The following LMTK3 variants were observed in gnomAD, a reference collection of about 807,000 sequenced individuals.
LMTK3 encodes the protein serine/threonine-protein kinase LMTK3.
Under a neutral mutation model 116.7 loss-of-function variants are expected in LMTK3, and 27 were observed. That is an observed-to-expected ratio of 0.23 (90% confidence interval 0.17 to 0.32). LMTK3 has a LOEUF of 0.32. LMTK3 is among the 10% of genes least tolerant of loss of function. LMTK3 has a pLI of 1.00. For synonymous variants in LMTK3, 965 were observed against 971.0 expected (o/e 0.99, Z 0.11); for missense variants, 1,764 against 2,068.5 (o/e 0.85, Z 2.86).
Position 48,494,449 on chromosome 19 carries a change from C to T in LMTK3, c.3677-340G>A, listed in dbSNP as rs1214423395. Reference sequence around the variant, plus strand: ...ACATGGGCCACCCCACCATTCCTCCCACCGAATAGCTGGGACTACAGGCGC... The same window carrying T: ...ACATGGGCCACCCCACCATTCCTCCTACCGAATAGCTGGGACTACAGGCGC... On this transcript the variant is annotated intron_variant, in intron 11 of 14. Transcript: ENST00000600059. The surrounding 1 kb of genome is among the most constrained non-coding windows in gnomAD (Gnocchi z 4.0). Among the ~76,000 whole-genome samples, 1 of 152,220 alleles carries T rather than the reference C, an allele frequency of 6.6e-6. No individual in the cohort carries two copies. Among genetic ancestry groups the T allele is most frequent in the Admixed American group, 6.5e-5 (1 of 15,282 alleles).
chr19:48,499,733 TC>T lies in LMTK3; in HGVS notation c.1335del (p.Thr446ProfsTer89). The T allele has an allele frequency of 7.5e-7, 1 of 1,330,274 alleles. No homozygotes were observed. The highest frequency in any genetic ancestry group is 4.2e-5 in the East Asian group (1 of 24,074). The allele number at this position is 1,330,274 out of a possible 1,614,324, so 82.4% of individuals were successfully genotyped here. On this transcript the variant is annotated frameshift_variant, in exon 11 of 15. Transcript: ENST00000600059. LOFTEE classifies it high-confidence loss of function. The part of the protein sequence containing the change: ...WPPAHSAPRP[G>X]TLSSPFPLLD... ...AGTAGGGGGAACGGTGAGGAGAGGG[TC>T]CCCGGGCGGGGCGCACTGTGTGCAG...
chr19:48,510,873 A>C (rs1972646973), intron 1 of LMTK3, among the ~76,000 whole-genome samples: 1 of 151,178 alleles, frequency 6.6e-6, no homozygotes, highest in Non-Finnish European at 1.5e-5. Context: ...GATGAATTCC[A>C]ATGAGGGTTG....
At position 48,493,917 on chromosome 19, in the gene LMTK3, T is replaced by TCCGCCG. The variant is rs2147534981; in HGVS notation, c.3868_3869insCGGCGG (p.Glu1289_Glu1290insAlaAla). ...CGCCGCCGCGCCCGGCGCCGCCGCC[T>TCCGCCG]CCTCGTCCTCCTCCTCGTCCTCGTC... On this transcript the variant is annotated inframe_insertion, in exon 12 of 15. Transcript: ENST00000600059. The TCCGCCG allele has an allele frequency of 5.8e-6, 6 of 1,029,350 alleles. 1 individual carries two copies. The South Asian group carries it at 2.2e-4, about 38-fold the overall frequency. 63.8% of individuals were successfully genotyped at this position (1,029,350 alleles called of 1,614,324 possible).
At chr19:48,490,998 G>T in intron 14 of LMTK3, 110 bp downstream of exon 14, 1 of 701,662 alleles carries the variant, frequency 1.4e-6, no homozygotes, top group Non-Finnish European at 2.0e-6. Flanking sequence ...AGAGAGAAGA[G>T]ACTGGGAAGA....
chr19:48,503,210 G>C (rs1451754542), intron 5 of LMTK3, among the ~76,000 whole-genome samples: 1 of 152,180 alleles, frequency 6.6e-6, no homozygotes, highest in African/African-American at 2.4e-5. Context: ...ACCACGCCTG[G>C]CTAATTTTTG....
rs1026061050 is a variant in LMTK3, at chr19:48,500,567, C to T, written c.1151+429G>A. 2.6e-5 allele frequency among the ~76,000 whole-genome samples: 4 copies of T among 151,906 alleles called. No homozygotes were observed. Among genetic ancestry groups the T allele is most frequent in the Admixed American group, 1.3e-4 (2 of 15,240 alleles). Reference sequence around the variant, plus strand: ...TCCAGGGAGAAGAGGGGACAGCAGACGGTAGAGATTCAGAGGAGGTAACTG... The same window carrying T: ...TCCAGGGAGAAGAGGGGACAGCAGATGGTAGAGATTCAGAGGAGGTAACTG... On this transcript the variant is annotated intron_variant, in intron 10 of 14. Transcript: ENST00000600059. The surrounding 1 kb of genome is among the most constrained non-coding windows in gnomAD (Gnocchi z 4.0).
chr19:48,506,364 G>A (rs1972570793), intron 5 of LMTK3, among the ~76,000 whole-genome samples: 1 of 152,072 alleles, frequency 6.6e-6, no homozygotes, highest in African/African-American at 2.4e-5. Context: ...TGTCCTCAGT[G>A]CCTAGACTAG....
In LMTK3 at chr19:48,491,614, C is replaced by G. The variant is rs948910020; in HGVS notation, c.4093-75G>C. The G allele has an allele frequency of 6.5e-6, 8 of 1,222,410 alleles. No individual in the cohort carries two copies. The Middle Eastern group carries it at 8.8e-4, about 134-fold the overall frequency. 75.7% of individuals were successfully genotyped at this position (1,222,410 alleles called of 1,614,324 possible). A position where few individuals can be genotyped will look rare whatever the true frequency, so the allele number is the denominator to read the frequency against. On this transcript the variant is annotated intron_variant, in intron 12 of 14. Coordinates refer to ENST00000600059, the MANE Select transcript of LMTK3 (RefSeq NM_001388485.1). This position sits in a 1 kb window ranked among gnomAD's most constrained non-coding sequence, Gnocchi z 5.1. ...CATTTACCGCATCCCCCAAAAGCAACAAAACCGGCTAATATTTCTGGGGCT... is the reference window on the plus strand; with the variant it reads ...CATTTACCGCATCCCCCAAAAGCAAGAAAACCGGCTAATATTTCTGGGGCT...
chr19:48,510,081 G>A lies in LMTK3; in HGVS notation c.303C>T (p.Tyr101=), dbSNP rs776159525. Residue 101 remains tyrosine (Y), a synonymous_variant, in exon 3 of 15, where the codon TAC becomes TAT. Coordinates refer to ENST00000600059, the MANE Select transcript of LMTK3 (RefSeq NM_001388485.1). ...TSSSQSLPDV[Y]ILPLAEVSLP... ...GGGAGACCTCAGCCAGCGGGAGAAT[G>A]TAGACATCAGGCAGCGACTGTGAGG... is the stretch of plus-strand genomic sequence containing the variant. The A allele has an allele frequency of 6.2e-7, 1 of 1,613,990 alleles. No homozygotes were observed. Among genetic ancestry groups the A allele is most frequent in the Non-Finnish European group, 8.5e-7 (1 of 1,179,884 alleles).
At position 48,499,426 on chromosome 19, in the gene LMTK3, G is replaced by C; in HGVS notation, c.1643C>G (p.Pro548Arg). The C allele has an allele frequency of 6.8e-7, 1 of 1,461,574 alleles. No homozygotes were observed. Among genetic ancestry groups the C allele is most frequent in the Non-Finnish European group, 9.0e-7 (1 of 1,106,388 alleles). 90.5% of individuals were successfully genotyped at this position (1,461,574 alleles called of 1,614,324 possible). A position where few individuals can be genotyped will look rare whatever the true frequency, so the allele number is the denominator to read the frequency against. ...GTCGTTGGGGAAGAGGGGCTCAGGA[G>C]GGGAGCCGTGCTCCTCCAAGCGGAT... ...YYIRLEEHGS[P>R]PEPLFPNDWD... The change falls in exon 11 of 15, where the codon CCT (proline) becomes CGT (arginine). Residue 548 changes from proline to arginine, a missense_variant. Around this residue, in one of 7 missense-constraint regions of LMTK3, gnomAD observed 1,028 missense variants for 1,050.6 expected, o/e 0.98. Coordinates refer to ENST00000600059, the MANE Select transcript of LMTK3 (RefSeq NM_001388485.1).
Position 48,493,878 on chromosome 19 carries a change from G to GGGCCCCGC in LMTK3, c.3900_3907dup (p.Pro1303ArgfsTer16). 8.8e-7 allele frequency: 1 copy of GGGCCCCGC among 1,132,708 alleles called. No homozygotes were observed. The highest frequency in any genetic ancestry group is 1.1e-6 in the Non-Finnish European group (1 of 926,556). 70.2% of individuals were successfully genotyped at this position (1,132,708 alleles called of 1,614,324 possible). A position where few individuals can be genotyped will look rare whatever the true frequency, so the allele number is the denominator to read the frequency against. On this transcript the variant is annotated frameshift_variant, in exon 12 of 15. Coordinates refer to ENST00000600059, the MANE Select transcript of LMTK3 (RefSeq NM_001388485.1). LOFTEE classifies it high-confidence loss of function. Reference sequence around the variant, plus strand: ...CACCGGGGCTGCTCGCGCCCTCCCGGGGCCCCGCGGCCCCGCCGCCGCGCC... The same window carrying GGGCCCCGC: ...CACCGGGGCTGCTCGCGCCCTCCCGGGGCCCCGCGGCCCCGCGGCCCCGCCGCCGCGCC...
In LMTK3 at chr19:48,500,717, A is replaced by G. The variant is rs1209583021; in HGVS notation, c.1151+279T>C. On this transcript the variant is annotated intron_variant, in intron 10 of 14. Transcript: ENST00000600059. The surrounding 1 kb of genome is among the most constrained non-coding windows in gnomAD (Gnocchi z 4.0). ...GCAGATGGGAACGGCTGGTGAGGGT[A>G]GTGGTGTCCCTGTTTGCGCTGTGAG... 6.6e-6 allele frequency among the ~76,000 whole-genome samples: 1 copy of G among 152,152 alleles called. No individual in the cohort carries two copies. The highest frequency in any genetic ancestry group is 2.4e-5 in the African/African-American group (1 of 41,442).
chr19:48,492,613 GCCTAGCCATGGCCCTTC>G (rs879795979), intron 12 of LMTK3, among the ~76,000 whole-genome samples: 10 of 152,070 alleles, frequency 6.6e-5, no homozygotes, highest in Admixed American at 1.3e-4. Context: ...CCCACCTGCA[GCCTAGCCATGGCCCTTC>G]CCTAGTGGGT....
intron 12 of LMTK3, 101 bp downstream of exon 12, chr19:48,493,593 G>C: frequency 3.8e-6 from 4 of 1,045,816 alleles, no homozygotes; most frequent in Admixed American, 4.2e-5. Flanking sequence ...TCCAGGCCCC[G>C]CCCAACTCTA....
rs771720100 is a variant in LMTK3, at chr19:48,502,424, C to G, written c.794+9G>C. 123 of 1,608,936 alleles carry G rather than the reference C, an allele frequency of 7.6e-5. No individual in the cohort carries two copies. In the East Asian group the frequency reaches 2.6e-3, roughly 34 times the overall value. On this transcript the variant is annotated intron_variant, in intron 7 of 14. Transcript: ENST00000600059. ...AGTAGCTCCTCCCGCGGCTCCCCGG[C>G]CCGCCCACCTGTGCACGTAGTTGTG...
intron 14 of LMTK3, among the ~76,000 whole-genome samples, chr19:48,488,988 C>G (rs1972173333): frequency 6.6e-6 from 1 of 152,172 alleles, no homozygotes; most frequent in Admixed American, 6.5e-5. Context: ...ATCTGCCTGC[C>G]TTGGCCTCCC....
intron 11 of LMTK3, among the ~76,000 whole-genome samples, chr19:48,495,166 C>A (rs746420934): frequency 6.6e-6 from 1 of 151,972 alleles, no homozygotes. Flanking sequence ...CCTGCCCCCA[C>A]GCTCAGCTAA....
chr19:48,497,253 A>C lies in LMTK3; in HGVS notation c.3676+140T>G. 1.1e-6 allele frequency: 1 copy of C among 936,018 alleles called. No individual in the cohort carries two copies. Among genetic ancestry groups the C allele is most frequent in the Non-Finnish European group, 1.4e-6 (1 of 699,416 alleles). The allele number at this position is 936,018 out of a possible 1,614,324, so 58.0% of individuals were successfully genotyped here. A position where few individuals can be genotyped will look rare whatever the true frequency, so the allele number is the denominator to read the frequency against. ...GAGCTAGAGAGGGGGCTGAGCCACG[A>C]TGTGAGCCCAGGTGGTGCAGGCTTC... On this transcript the variant is annotated intron_variant, in intron 11 of 14. Coordinates refer to ENST00000600059, the MANE Select transcript of LMTK3 (RefSeq NM_001388485.1). The surrounding 1 kb of genome is among the most constrained non-coding windows in gnomAD (Gnocchi z 5.7).
At chr19:48,488,258 G>C (rs1972159280) in intron 14 of LMTK3, among the ~76,000 whole-genome samples, 1 of 152,096 alleles carries the variant, frequency 6.6e-6, no homozygotes, top group South Asian at 2.1e-4. Flanking sequence ...GACATTCAGA[G>C]TGAAGCCTGA....
Sources: allele counts gnomAD v4.1 joint callset (sites outside exome capture counted in the v4.1 genomes callset), GRCh38; gene constraint gnomAD v4.1.1; regional missense constraint gnomAD v4.1.1; non-coding constraint Gnocchi (gnomAD v3.1); transcripts MANE v1.5; gene names NCBI Gene and HGNC (gene_info 2026-07-23, HGNC 2026-07-21).